USP8: variants seen among roughly 807,000 people sequenced by gnomAD.
The protein encoded by USP8 is ubiquitin specific peptidase 8.
USP8 carries 27 observed loss-of-function variants against 130.0 expected under a neutral mutation model. That is an observed-to-expected ratio of 0.21 (90% CI 0.15 to 0.29). USP8 has a LOEUF of 0.29. Ranked by LOEUF, USP8 falls within the 10% of genes least tolerant of loss-of-function variation. USP8 has a pLI of 1.00. For missense variants in USP8, 1,029 were observed against 1,312.2 expected, an observed-to-expected ratio of 0.78 and a Z score of 3.33; for synonymous variants, 392 against 444.1, an observed-to-expected ratio of 0.88 and a Z score of 1.48.
At chr15:50,436,358 A>G (rs554135934) in intron 1 of USP8, among the ~76,000 whole-genome samples, 1 of 151,962 alleles carries the variant, frequency 6.6e-6, no homozygotes, top group African/African-American at 2.4e-5. Flanking sequence ...GACTTCCAAG[A>G]TCCTTCTAGT....
chr15:50,457,184 T>A (rs891656087), intron 4 of USP8, among the ~76,000 whole-genome samples: 4 of 152,246 alleles, frequency 2.6e-5, no homozygotes, highest in African/African-American at 9.6e-5. Flanking sequence ...CTGGCACAGT[T>A]ATTTGAATAG....
intron 15 of USP8, chr15:50,493,693 C>A: frequency 2.7e-6 from 1 of 370,716 alleles, no homozygotes. Context: ...TGCAGTGAGC[C>A]GTGATTGTGC....
intron 16 of USP8, among the ~76,000 whole-genome samples, chr15:50,495,488 G>GGC (rs1555392698): frequency 6.7e-6 from 1 of 148,484 alleles, no homozygotes; most frequent in African/African-American, 2.5e-5. Flanking sequence ...GAGATTGGAG[G>GGC]GGGGGGTCTC....
At chr15:50,445,665 C>T (rs1269272782) in intron 3 of USP8, among the ~76,000 whole-genome samples, 3 of 148,314 alleles carry the variant, frequency 2.0e-5, no homozygotes, top group South Asian at 2.1e-4. Context: ...GCCTGGCCAA[C>T]ATGGTGAAAC....
At chr15:50,445,009 C>T (rs796761503) in intron 3 of USP8, among the ~76,000 whole-genome samples, 3 of 151,806 alleles carry the variant, frequency 2.0e-5, no homozygotes, top group Admixed American at 1.3e-4. Context: ...CTGCCTGCCT[C>T]GGCCTCCCAA....
chr15:50,450,540 C>G (rs2050598550), intron 4 of USP8, among the ~76,000 whole-genome samples: 1 of 139,574 alleles, frequency 7.2e-6, no homozygotes, highest in Admixed American at 8.1e-5. Flanking sequence ...GGCCTGATCT[C>G]AGCTCACTGC....
Position 50,503,482 on chromosome 15 carries a change from G to T in USP8, c.*4394G>T, listed in dbSNP as rs1470914286. 3 of 152,218 alleles carry T rather than the reference G, an allele frequency of 2.0e-5. No homozygotes were observed. Among genetic ancestry groups the T allele is most frequent in the Non-Finnish European group, 4.4e-5 (3 of 68,056 alleles). 9.4% of individuals were successfully genotyped at this position (152,218 alleles called of 1,614,324 possible). The stretch of plus-strand genomic sequence containing the variant: ...GTAAAGTCTTAGGCCCCCCTACAAG[G>T]TGAGAAGTTGGATTGAGATCCACAT... On this transcript the variant is annotated 3_prime_UTR_variant, in exon 20 of 20. Transcript: ENST00000307179.
intron 5 of USP8, among the ~76,000 whole-genome samples, chr15:50,461,318 C>G (rs1321589830): frequency 6.6e-6 from 1 of 151,788 alleles, no homozygotes; most frequent in Non-Finnish European, 1.5e-5. Flanking sequence ...AAAAAATTAG[C>G]CAGTCATGAT....
At chr15:50,472,205 A>C (rs568263879) in intron 8 of USP8, among the ~76,000 whole-genome samples, 1 of 152,054 alleles carries the variant, frequency 6.6e-6, no homozygotes, top group South Asian at 2.1e-4. Flanking sequence ...CCAGCCCATC[A>C]TGCTTTGATT....
chr15:50,498,350 C>A, intron 18 of USP8: 1 of 401,266 alleles, frequency 2.5e-6, no homozygotes, highest in Non-Finnish European at 4.4e-6. Context: ...AGAGTATAGT[C>A]CTACCTCTAC....
chr15:50,501,605 C>G lies in USP8; in HGVS notation c.*2517C>G, dbSNP rs2052589830. 6.6e-6 allele frequency: 1 copy of G among 151,648 alleles called. No homozygotes were observed. The highest frequency in any genetic ancestry group is 1.5e-5 in the Non-Finnish European group (1 of 67,966). 9.4% of individuals were successfully genotyped at this position (151,648 alleles called of 1,614,324 possible). ...ATTGCTACAGCACAAATTGAGGGGGCTATGTAGCAACAACCCCTCAATCCC... is the reference window on the plus strand; with the variant it reads ...ATTGCTACAGCACAAATTGAGGGGGGTATGTAGCAACAACCCCTCAATCCC... On this transcript the variant is annotated 3_prime_UTR_variant, in exon 20 of 20. Transcript: ENST00000307179.
intron 1 of USP8, among the ~76,000 whole-genome samples, chr15:50,432,963 C>T (rs1007931989): frequency 1.3e-5 from 2 of 152,124 alleles, no homozygotes; most frequent in African/African-American, 2.4e-5. Context: ...TTTCATTGGC[C>T]GGGCACGATG....
intron 3 of USP8, among the ~76,000 whole-genome samples, chr15:50,444,261 G>A (rs949435286): frequency 3.3e-5 from 5 of 151,590 alleles, no homozygotes; most frequent in East Asian, 3.9e-4. Context: ...CCGCCACCAC[G>A]CCTGGCCTAA....
At chr15:50,433,325 C>T (rs1013052369) in intron 1 of USP8, among the ~76,000 whole-genome samples, 2 of 151,982 alleles carry the variant, frequency 1.3e-5, no homozygotes, top group South Asian at 2.1e-4. Flanking sequence ...TTTAAGACAG[C>T]GAGAAGATAC....
At chr15:50,456,914 A>AT (rs531202541) in intron 4 of USP8, among the ~76,000 whole-genome samples, 339 of 152,314 alleles carry the variant, frequency 2.2e-3, no homozygotes, top group African/African-American at 7.7e-3. Context: ...AAGAAAAGAA[A>AT]TTAACTGCTT....
At chr15:50,480,932 T>TA (rs1716585764) in intron 10 of USP8, among the ~76,000 whole-genome samples, 3 of 151,844 alleles carry the variant, frequency 2.0e-5, no homozygotes, top group African/African-American at 7.3e-5. Context: ...GAGGGACAGA[T>TA]ATAGGAGGAA....
chr15:50,476,959 C>T lies in USP8; in HGVS notation c.960C>T (p.Pro320=), dbSNP rs1566873377. Residue 320 remains proline, a synonymous_variant, in exon 9 of 20, where the codon CCC becomes CCT. Transcript: ENST00000307179. ...QYTTNAKVTP[P]PRRQNEEVSI... is the part of the protein sequence containing the mutation. ...CAACAAATGCTAAGGTCACTCCACC[C>T]CCACGACGCCAGAATGAAGAGGTGT... 1.2e-6 allele frequency: 2 copies of T among 1,607,086 alleles called. No homozygotes were observed. Among genetic ancestry groups the T allele is most frequent in the East Asian group, 4.5e-5 (2 of 44,808 alleles).
At chr15:50,460,516 C>T (rs897140374) in intron 5 of USP8, among the ~76,000 whole-genome samples, 7 of 151,914 alleles carry the variant, frequency 4.6e-5, no homozygotes, top group African/African-American at 1.7e-4. Context: ...ACCATATTGG[C>T]CAGGCTGTTC....
At chr15:50,484,421 G>A (rs2051883142) in intron 12 of USP8, 60 bp downstream of exon 12, 3 of 1,317,890 alleles carry the variant, frequency 2.3e-6, no homozygotes, top group Non-Finnish European at 3.2e-6. Flanking sequence ...TTATAACTAT[G>A]TGATTATCTT....
Sources: allele counts gnomAD v4.1 joint callset (sites outside exome capture counted in the v4.1 genomes callset), GRCh38; gene constraint gnomAD v4.1.1; transcripts MANE v1.5; gene names NCBI Gene and HGNC (gene_info 2026-07-23, HGNC 2026-07-21).